FARS2: variants seen among roughly 807,000 people sequenced by gnomAD.
FARS2 encodes the protein phenylalanyl-tRNA synthetase 2, mitochondrial, also known as phenylalanine--tRNA ligase, mitochondrial.
In FARS2, 40 loss-of-function variants were observed where a neutral mutation model predicts 46.4. The ratio of observed to expected loss-of-function variants is 0.86; its 90% CI spans 0.67 to 1.12. The LOEUF is 1.12. Ranked by LOEUF, FARS2 falls within the 50% of genes most tolerant of loss-of-function variation. FARS2 has a pLI of 0.00. For synonymous variants in FARS2, 234 were observed against 214.9 expected, an observed-to-expected ratio of 1.09 and a Z score of -0.78; for missense variants, 513 against 567.9, an observed-to-expected ratio of 0.90 and a Z score of 0.98.
intron 4 of FARS2, among the ~76,000 whole-genome samples, chr6:5,493,779 G>A (rs769207153): frequency 3.9e-5 from 6 of 152,200 alleles, no homozygotes; most frequent in East Asian, 1.9e-4. Flanking sequence ...GCTCACAAAC[G>A]TTTAACAAAT....
At chr6:5,434,887 T>C (rs1196735874) in intron 4 of FARS2, among the ~76,000 whole-genome samples, 3 of 152,116 alleles carry the variant, frequency 2.0e-5, no homozygotes, top group African/African-American at 7.2e-5. Context: ...GAGAATCAGG[T>C]GAGTGCTAAA....
At chr6:5,437,812 CTTTT>C (rs1412642021) in intron 4 of FARS2, among the ~76,000 whole-genome samples, 3 of 152,048 alleles carry the variant, frequency 2.0e-5, no homozygotes, top group Admixed American at 2.0e-4. Context: ...AAGTAGTTTT[CTTTT>C]ATATTTACTT....
chr6:5,552,403 A>G (rs1771421880), intron 5 of FARS2, among the ~76,000 whole-genome samples: 3 of 152,218 alleles, frequency 2.0e-5, no homozygotes, highest in Non-Finnish European at 4.4e-5. Context: ...CCTATTGTGC[A>G]AGAAGCAGAA....
chr6:5,676,339 T>A (rs376418792), intron 6 of FARS2, among the ~76,000 whole-genome samples: 2 of 152,368 alleles, frequency 1.3e-5, no homozygotes, highest in South Asian at 2.1e-4. Flanking sequence ...CAATTGGATT[T>A]TGTATTCGTT....
intron 6 of FARS2, among the ~76,000 whole-genome samples, chr6:5,743,946 G>A (rs1017204614): frequency 1.3e-5 from 2 of 152,278 alleles, no homozygotes; most frequent in African/African-American, 4.8e-5. Flanking sequence ...TCTCCTCAAC[G>A]TCCTTCCTGT....
At chr6:5,424,662 T>A (rs1762749133) in intron 3 of FARS2, among the ~76,000 whole-genome samples, 1 of 152,158 alleles carries the variant, frequency 6.6e-6, no homozygotes, top group South Asian at 2.1e-4. Flanking sequence ...TCCAGGAGAT[T>A]GGGGTAAGAT....
At chr6:5,297,133 G>A (rs1474912653) in intron 1 of FARS2, among the ~76,000 whole-genome samples, 1 of 152,144 alleles carries the variant, frequency 6.6e-6, no homozygotes, top group Non-Finnish European at 1.5e-5. Flanking sequence ...GCACAGAGAG[G>A]TTAGGTGAGC....
At chr6:5,415,711 A>C (rs921401338) in intron 3 of FARS2, among the ~76,000 whole-genome samples, 1 of 151,394 alleles carries the variant, frequency 6.6e-6, no homozygotes, top group Admixed American at 6.6e-5. Flanking sequence ...TATTTTGCCC[A>C]TTTGTTTTCT....
At chr6:5,415,317 T>C (rs1358456106) in intron 3 of FARS2, among the ~76,000 whole-genome samples, 5 of 134,210 alleles carry the variant, frequency 3.7e-5, no homozygotes, top group African/African-American at 8.4e-5. Context: ...TTTCTTTTTT[T>C]TTTTTTTTTT....
intron 2 of FARS2, among the ~76,000 whole-genome samples, chr6:5,378,119 T>C (rs948076435): frequency 6.6e-6 from 1 of 152,210 alleles, no homozygotes; most frequent in Non-Finnish European, 1.5e-5. Flanking sequence ...GGAATGGCCC[T>C]TCATCAAGAG....
At chr6:5,449,065 C>T (rs976736595) in intron 4 of FARS2, among the ~76,000 whole-genome samples, 7 of 152,174 alleles carry the variant, frequency 4.6e-5, no homozygotes, top group African/African-American at 1.4e-4. Context: ...TTAAAAGTCA[C>T]TGGCCGGGTG....
chr6:5,588,358 TA>T lies in FARS2; in HGVS notation c.1066-24806del, dbSNP rs369833976. 8.2e-3 allele frequency among the ~76,000 whole-genome samples: 1,251 copies of T among 152,254 alleles called. 9 individuals are homozygous for T. Among genetic ancestry groups the T allele is most frequent in the South Asian group, 0.016 (75 of 4,822 alleles). On this transcript the variant is annotated intron_variant, in intron 5 of 6. Coordinates refer to ENST00000274680, the MANE Select transcript of FARS2 (RefSeq NM_006567.5). The stretch of plus-strand genomic sequence containing the variant: ...CCAATCTGCCTTGACTTTTATTTTT[TA>T]AAAAGATAAGTTAGAAATCTGGAAG...
At chr6:5,572,018 T>C (rs1202150755) in intron 5 of FARS2, among the ~76,000 whole-genome samples, 34 of 152,210 alleles carry the variant, frequency 2.2e-4, no homozygotes, top group Admixed American at 2.2e-3. Flanking sequence ...GCCCCTATCC[T>C]ATATCAGCCC....
intron 5 of FARS2, among the ~76,000 whole-genome samples, chr6:5,577,153 C>T (rs1026201723): frequency 6.6e-6 from 1 of 152,082 alleles, no homozygotes; most frequent in African/African-American, 2.4e-5. Flanking sequence ...TCTGAAGTTA[C>T]CTTCTATTAA....
chr6:5,474,832 G>A (rs200212), intron 4 of FARS2, among the ~76,000 whole-genome samples: 83,280 of 151,508 alleles, frequency 0.55, 23,098 homozygotes, highest in East Asian at 0.72. Flanking sequence ...GCTAATTTTT[G>A]TATTTTTAGT....
chr6:5,299,492 G>A (rs1003592977), intron 1 of FARS2, among the ~76,000 whole-genome samples: 3 of 152,304 alleles, frequency 2.0e-5, no homozygotes, highest in South Asian at 2.1e-4. Flanking sequence ...GGCTGTCTTG[G>A]ACTGTGGCTT....
rs1190429613 is a variant in FARS2 at position 5,545,095 on chromosome 6, T to C, written c.905-85T>C. On this transcript the variant is annotated intron_variant, in intron 4 of 6. Coordinates refer to ENST00000274680, the MANE Select transcript of FARS2 (RefSeq NM_006567.5). ...TGCCCGCTGGTAGGCATCTAATTAG[T>C]GTCACTGATAACTGTCAGGGAGTGG... The C allele has an allele frequency of 3.1e-6, 4 of 1,308,760 alleles. No homozygotes were observed. The African/African-American group carries it at 5.8e-5, about 19-fold the overall frequency. 81.1% of individuals were successfully genotyped at this position (1,308,760 alleles called of 1,614,324 possible).
intron 1 of FARS2, among the ~76,000 whole-genome samples, chr6:5,297,684 GCAACAGCAA>G (rs1767992071): frequency 6.6e-6 from 1 of 151,762 alleles, no homozygotes; most frequent in East Asian, 1.9e-4. Flanking sequence ...CAAAAGAACA[GCAACAGCAA>G]CAACAACAAC....
At chr6:5,457,267 CAG>C (rs147107750) in intron 4 of FARS2, among the ~76,000 whole-genome samples, 5,415 of 152,290 alleles carry the variant, frequency 0.036, 131 homozygotes, top group Non-Finnish European at 0.049. Context: ...CCCCTATGGT[CAG>C]GGGGCATGGG....
Sources: gnomAD v4.1 joint callset for allele counts (sites outside exome capture counted in the v4.1 genomes callset) on GRCh38, gnomAD v4.1.1 for gene constraint, MANE v1.5 for transcripts, NCBI Gene and HGNC (gene_info 2026-07-23, HGNC 2026-07-21) for gene names.